RIOK3: variants seen among roughly 807,000 people sequenced by gnomAD.
RIOK3 encodes the protein RIO kinase 3, also known as serine/threonine-protein kinase RIO3.
A neutral mutation model predicts 63.5 loss-of-function variants in RIOK3; 40 were observed. That is an observed-to-expected ratio of 0.63 (90% CI 0.49 to 0.82). The LOEUF is 0.82. Among genes scored for constraint, RIOK3 ranks in the 40% least tolerant of loss-of-function variants. The pLI, the probability that RIOK3 is intolerant of heterozygous loss-of-function variation, is 0.00. For missense variants in RIOK3, 557 were observed against 637.0 expected (o/e 0.87, Z 1.35); for synonymous variants, 193 against 205.0 (o/e 0.94, Z 0.50).
rs764481581 is a variant in RIOK3 at position 23,453,491 on chromosome 18, G to A, written c.52G>A (p.Gly18Arg). 5 of 1,613,478 alleles carry A rather than the reference G, an allele frequency of 3.1e-6. No individual in the cohort carries two copies. Among genetic ancestry groups the A allele is most frequent in the Admixed American group, 3.3e-5 (2 of 60,030 alleles). Residue 18 changes from glycine (G) to arginine (R), a missense_variant, in exon 1 of 13, where the codon GGA (glycine) becomes AGA (arginine). Gly to Arg is a moderately radical substitution (Grantham distance 125, BLOSUM62 -2). Coordinates refer to ENST00000339486, the MANE Select transcript of RIOK3 (RefSeq NM_003831.5). ...SPEPGTAAAW[G>R]PSKCPWAIPQ... is the part of the protein sequence containing the mutation. ...TGAGCCCGGGACGGCAGCGGCCTGG[G>A]GACCCAGCAAGGTAAGTGGCAGACG...
intron 7 of RIOK3, among the ~76,000 whole-genome samples, chr18:23,469,338 CCCCTCT>C: frequency 1.1e-4 from 1 of 8,702 alleles, no homozygotes; most frequent in Non-Finnish European, 1.9e-4. Context: ...TCTCTCTCTC[CCCCTCT>C]CTCCCCCTCT....
At position 23,464,069 on chromosome 18, in the gene RIOK3, A is replaced by G; in HGVS notation, c.282A>G (p.Ala94=). Residue 94 remains alanine (A), a synonymous_variant, in exon 3 of 13, where the codon GCA becomes GCG. Coordinates refer to ENST00000339486, the MANE Select transcript of RIOK3 (RefSeq NM_003831.5). The stretch of plus-strand genomic sequence containing the variant: ...TGGAATATGACAGAGAATATGATGC[A>G]CAGCTTAGGCGTGAAGAAAAAAAAT... ...LQMEYDREYD[A]QLRREEKKFN... is the part of the protein sequence containing the mutation. 1 of 1,613,568 alleles carries G rather than the reference A, an allele frequency of 6.2e-7. No individual in the cohort carries two copies. The highest frequency in any genetic ancestry group is 8.5e-7 in the Non-Finnish European group (1 of 1,179,820).
chr18:23,463,950 T>C lies in RIOK3; in HGVS notation c.180-17T>C. The C allele has an allele frequency of 1.3e-6, 2 of 1,586,492 alleles. No homozygotes were observed. The highest frequency in any genetic ancestry group is 8.6e-7 in the Non-Finnish European group (1 of 1,169,416). On this transcript the variant is annotated splice_polypyrimidine_tract_variant and intron_variant, in intron 2 of 12. Coordinates refer to ENST00000339486, the MANE Select transcript of RIOK3 (RefSeq NM_003831.5). Reference sequence around the variant, plus strand: ...TTAAGCACATTACATTAGTTTATATTGCCTTATTTTGAATAGTGTTGCTGA... The same window carrying C: ...TTAAGCACATTACATTAGTTTATATCGCCTTATTTTGAATAGTGTTGCTGA...
chr18:23,466,924 C>G (rs1474648746), intron 6 of RIOK3, among the ~76,000 whole-genome samples: 2 of 151,852 alleles, frequency 1.3e-5, no homozygotes, highest in African/African-American at 4.8e-5. Flanking sequence ...ATCACTTGAA[C>G]CCAGGAATTT....
At chr18:23,458,185 G>A (rs2057352934) in intron 1 of RIOK3, among the ~76,000 whole-genome samples, 2 of 151,744 alleles carry the variant, frequency 1.3e-5, no homozygotes, top group Admixed American at 6.6e-5. Flanking sequence ...TATTACAGGC[G>A]AGAGCCACTG....
intron 1 of RIOK3, among the ~76,000 whole-genome samples, chr18:23,457,128 G>T (rs2057346117): frequency 6.6e-6 from 1 of 152,074 alleles, no homozygotes; most frequent in Non-Finnish European, 1.5e-5. Context: ...TGAAAATTTT[G>T]ACTTCATAGA....
intron 11 of RIOK3, chr18:23,479,003 C>T (rs2270885): frequency 1.2e-5 from 3 of 248,240 alleles, no homozygotes; most frequent in East Asian, 1.7e-4. Flanking sequence ...GCAGGAAAAT[C>T]GATGGTTGAG....
At chr18:23,464,161 A>G in intron 3 of RIOK3, 45 bp from the exon 4 acceptor site, 2 of 1,608,794 alleles carry the variant, frequency 1.2e-6, no homozygotes, top group African/African-American at 1.3e-5. Flanking sequence ...GAAAACACTC[A>G]TAATGTGCTC....
chr18:23,453,924 G>C (rs145127807), intron 1 of RIOK3, among the ~76,000 whole-genome samples: 71 of 152,290 alleles, frequency 4.7e-4, no homozygotes, highest in African/African-American at 1.6e-3. Flanking sequence ...GATAAGTGTG[G>C]TTATCCCAGT....
intron 1 of RIOK3, among the ~76,000 whole-genome samples, chr18:23,457,555 G>C (rs952532456): frequency 6.6e-6 from 1 of 152,160 alleles, no homozygotes. Context: ...TGTGACAAAC[G>C]TATAATACTA....
intron 1 of RIOK3, 91 bp downstream of exon 1, chr18:23,453,593 G>A: frequency 8.7e-7 from 1 of 1,146,242 alleles, no homozygotes; most frequent in Admixed American, 1.7e-5. Context: ...TGGGCGATTC[G>A]GGAAGTTCTG....
At chr18:23,470,421 A>T (rs2057449020) in intron 7 of RIOK3, among the ~76,000 whole-genome samples, 2 of 152,212 alleles carry the variant, frequency 1.3e-5, no homozygotes, top group Admixed American at 1.3e-4. Flanking sequence ...ATATATATAC[A>T]GTATATCATC....
At chr18:23,475,156 T>G in intron 9 of RIOK3, 49 bp downstream of exon 9, 1 of 1,485,754 alleles carries the variant, frequency 6.7e-7, no homozygotes, top group Non-Finnish European at 9.2e-7. Flanking sequence ...AAAAAATATT[T>G]CCTCTAAACT....
rs754878926 is a variant in RIOK3, at chr18:23,481,404, C to G, written c.*125C>G. On this transcript the variant is annotated 3_prime_UTR_variant, in exon 13 of 13. Transcript: ENST00000339486. ...GGGCAATGGTGCTTCTGTGCTTTTCCCCCTTGTAACCCATGTGCCAGATGT... is the reference window on the plus strand; with the variant it reads ...GGGCAATGGTGCTTCTGTGCTTTTCGCCCTTGTAACCCATGTGCCAGATGT... The G allele has an allele frequency of 8.6e-5, 51 of 589,742 alleles. No individual in the cohort carries two copies. Among genetic ancestry groups the G allele is most frequent in the Admixed American group, 3.1e-4 (9 of 29,260 alleles). 36.5% of individuals were successfully genotyped at this position (589,742 alleles called of 1,614,324 possible).
intron 1 of RIOK3, among the ~76,000 whole-genome samples, chr18:23,462,258 G>T (rs1454593680): frequency 7.8e-4 from 116 of 147,876 alleles, no homozygotes; most frequent in African/African-American, 2.7e-3. Flanking sequence ...TCCTGCCTCA[G>T]CCTCCTGAGT....
At chr18:23,476,177 G>C (rs1454657806) in intron 9 of RIOK3, among the ~76,000 whole-genome samples, 2 of 152,118 alleles carry the variant, frequency 1.3e-5, no homozygotes, top group Non-Finnish European at 2.9e-5. Flanking sequence ...ACAGTAGGGA[G>C]TGCAGGTGTT....
intron 7 of RIOK3, among the ~76,000 whole-genome samples, chr18:23,471,318 C>T (rs965419106): frequency 6.6e-6 from 1 of 152,162 alleles, no homozygotes; most frequent in Non-Finnish European, 1.5e-5. Flanking sequence ...GACTAGAGAA[C>T]AGCTAGTGCT....
chr18:23,470,689 T>C (rs1365269366), intron 7 of RIOK3, among the ~76,000 whole-genome samples: 1 of 152,044 alleles, frequency 6.6e-6, no homozygotes, highest in Non-Finnish European at 1.5e-5. Context: ...TGCTTAGAGG[T>C]AGTAGGTAGT....
intron 5 of RIOK3, among the ~76,000 whole-genome samples, chr18:23,465,547 T>C (rs1171507853): frequency 1.3e-5 from 2 of 152,228 alleles, no homozygotes; most frequent in Non-Finnish European, 2.9e-5. Context: ...AATAGAACTT[T>C]CTGTGGTAAT....
Sources: gnomAD v4.1 joint callset for allele counts (sites outside exome capture counted in the v4.1 genomes callset) on GRCh38, gnomAD v4.1.1 for gene constraint, MANE v1.5 for transcripts, NCBI Gene and HGNC (gene_info 2026-07-23, HGNC 2026-07-21) for gene names.